The following DCUN1D4 variants were observed in gnomAD, a reference collection of about 807,000 sequenced individuals.
DCUN1D4 encodes defective in cullin neddylation 1 domain containing 4.
A neutral mutation model predicts 47.9 loss-of-function variants in DCUN1D4; 22 were observed. That is an observed-to-expected ratio of 0.46 (90% CI 0.33 to 0.66). The LOEUF (loss-of-function observed/expected upper bound fraction) is 0.66. Ranked by LOEUF, DCUN1D4 falls within the 30% of genes least tolerant of loss-of-function variation. DCUN1D4 has a pLI of 0.02. For synonymous variants in DCUN1D4, 121 were observed against 112.2 expected, an observed-to-expected ratio of 1.08 and a Z score of -0.50; for missense variants, 301 against 340.8, an observed-to-expected ratio of 0.88 and a Z score of 0.92.
chr4:51,843,302 C>A (rs1721885357), intron 1 of DCUN1D4, 35 bp downstream of exon 1: 1 of 1,507,378 alleles, frequency 6.6e-7, no homozygotes, highest in Non-Finnish European at 8.9e-7. Flanking sequence ...GGGCCGGGGC[C>A]GGGCGGCTGC....
chr4:51,848,149 T>G, intron 1 of DCUN1D4: 1 of 1,262,868 alleles, frequency 7.9e-7, no homozygotes, highest in Non-Finnish European at 1.0e-6. Flanking sequence ...ATTCTTTGCA[T>G]TTTTTAGACA....
chr4:51,861,257 G>T (rs1474408593), intron 1 of DCUN1D4, among the ~76,000 whole-genome samples: 1 of 152,112 alleles, frequency 6.6e-6, no homozygotes, highest in African/African-American at 2.4e-5. Context: ...GAGTGGTTTT[G>T]TGTGTGTGTG....
chr4:51,864,089 T>C (rs764350233), intron 3 of DCUN1D4, among the ~76,000 whole-genome samples: 2 of 152,262 alleles, frequency 1.3e-5, no homozygotes, highest in Non-Finnish European at 2.9e-5. Context: ...TATGTGTTCA[T>C]AGTTACTGAA....
At position 51,891,742 on chromosome 4, in the gene DCUN1D4, T is replaced by A; in HGVS notation, c.415-18T>A. On this transcript the variant is annotated intron_variant, in intron 6 of 10. Transcript: ENST00000334635. ...TGTGTAATATATTTTTTTTTAATTG[T>A]GTATTTTTTTTTAACAGGTAGTTAT... 1 of 1,576,954 alleles carries A rather than the reference T, an allele frequency of 6.3e-7. No homozygotes were observed. Among genetic ancestry groups the A allele is most frequent in the Non-Finnish European group, 8.6e-7 (1 of 1,156,808 alleles).
At chr4:51,887,902 TG>T (rs1409822067) in intron 6 of DCUN1D4, among the ~76,000 whole-genome samples, 6 of 150,458 alleles carry the variant, frequency 4.0e-5, no homozygotes, top group African/African-American at 7.3e-5. Flanking sequence ...GTTTTTTTTT[TG>T]GTTTTTTTTT....
At chr4:51,867,950 G>GC (rs1264604201) in intron 3 of DCUN1D4, among the ~76,000 whole-genome samples, 1 of 152,230 alleles carries the variant, frequency 6.6e-6, no homozygotes, top group African/African-American at 2.4e-5. Context: ...GCTGCTCTCA[G>GC]CCCCCCTCGG....
intron 3 of DCUN1D4, among the ~76,000 whole-genome samples, chr4:51,873,771 T>A (rs1727255785): frequency 6.6e-6 from 1 of 152,238 alleles, no homozygotes. Context: ...TTGCTCAAGG[T>A]CATGTCAGAC....
intron 7 of DCUN1D4, 46 bp from the exon 8 acceptor site, chr4:51,899,224 A>G: frequency 6.6e-7 from 1 of 1,510,426 alleles, no homozygotes; most frequent in Non-Finnish European, 8.8e-7. Flanking sequence ...TAAAAAAATA[A>G]ATAAATGAAC....
intron 1 of DCUN1D4, among the ~76,000 whole-genome samples, chr4:51,855,013 T>C (rs556148159): frequency 6.6e-6 from 1 of 152,258 alleles, no homozygotes; most frequent in South Asian, 2.1e-4. Flanking sequence ...GCATTTCTGA[T>C]AAGGGATACT....
chr4:51,857,702 TTAAATC>T (rs1724363558), intron 1 of DCUN1D4, among the ~76,000 whole-genome samples: 1 of 152,162 alleles, frequency 6.6e-6, no homozygotes, highest in African/African-American at 2.4e-5. Flanking sequence ...CCTTAGGAGA[TTAAATC>T]TAAACGCTCA....
At chr4:51,891,894 G>A in intron 7 of DCUN1D4, 43 bp downstream of exon 7, 2 of 1,476,838 alleles carry the variant, frequency 1.4e-6, no homozygotes, top group Non-Finnish European at 1.9e-6. Context: ...GCCCTTCCCA[G>A]GTGGTTGCCT....
In DCUN1D4 at chr4:51,850,533, G is replaced by A. The variant is rs552963283; in HGVS notation, c.25+7266G>A. 1.7e-3 allele frequency among the ~76,000 whole-genome samples: 261 copies of A among 152,322 alleles called. 1 individual carries two copies. The highest frequency in any genetic ancestry group is 3.3e-3 in the Admixed American group (50 of 15,306). ...CCAGCTGCTCTGTGTGCGCTTCAGA[G>A]CCCTCATGCCTAAAAATTGCCTGTT... On this transcript the variant is annotated intron_variant, in intron 1 of 10. Coordinates refer to ENST00000334635, the MANE Select transcript of DCUN1D4 (RefSeq NM_001040402.3).
chr4:51,849,861 G>A (rs564199390), intron 1 of DCUN1D4, among the ~76,000 whole-genome samples: 22 of 152,106 alleles, frequency 1.4e-4, no homozygotes, highest in African/African-American at 4.8e-4. Flanking sequence ...GTGTGTGTGT[G>A]TGCGTGTTTT....
At chr4:51,862,559 T>C (rs1725237359) in intron 1 of DCUN1D4, among the ~76,000 whole-genome samples, 1 of 152,232 alleles carries the variant, frequency 6.6e-6, no homozygotes, top group Non-Finnish European at 1.5e-5. Flanking sequence ...CAATATCTTT[T>C]CATGGTCATT....
At position 51,886,851 on chromosome 4, in the gene DCUN1D4, T is replaced by C. The variant is rs1364189593; in HGVS notation, c.414+213T>C. ...GTAACTACAGTTATTTTTTCTCTCA[T>C]TTAATTTCTTGTATGTAAAAGGTAC... On this transcript the variant is annotated intron_variant, in intron 6 of 10. Transcript: ENST00000334635. 27 of 526,370 alleles carry C rather than the reference T, an allele frequency of 5.1e-5. No individual in the cohort carries two copies. In the Admixed American group the frequency reaches 8.4e-4, roughly 16 times the overall value. The allele number at this position is 526,370 out of a possible 1,614,324, so 32.6% of individuals were successfully genotyped here.
intron 3 of DCUN1D4, among the ~76,000 whole-genome samples, chr4:51,864,300 T>G (rs1725555783): frequency 6.6e-6 from 1 of 152,208 alleles, no homozygotes; most frequent in Admixed American, 6.5e-5. Context: ...CTGATGGAGC[T>G]GGTCTGGAGA....
At chr4:51,848,377 T>TA (rs768606487) in intron 1 of DCUN1D4, 320 of 1,233,788 alleles carry the variant, frequency 2.6e-4, no homozygotes, top group Non-Finnish European at 3.3e-4. Flanking sequence ...GGTCTGATGT[T>TA]AAGGGGCCTA....
chr4:51,898,258 T>G (rs1439057598), intron 7 of DCUN1D4, among the ~76,000 whole-genome samples: 1 of 151,480 alleles, frequency 6.6e-6, no homozygotes, highest in Non-Finnish European at 1.5e-5. Context: ...TGAGAGAGAG[T>G]GAGGACCCAT....
chr4:51,840,454 T>C (rs558212963), upstream of DCUN1D4, among the ~76,000 whole-genome samples: 34 of 152,214 alleles, frequency 2.2e-4, no homozygotes, highest in Non-Finnish European at 4.4e-4. Context: ...GTACAGGGGA[T>C]AGAGTTGAGA....
Sources: allele counts gnomAD v4.1 joint callset (sites outside exome capture counted in the v4.1 genomes callset), GRCh38; gene constraint gnomAD v4.1.1; transcripts MANE v1.5; gene names NCBI Gene and HGNC (gene_info 2026-07-23, HGNC 2026-07-21).